The following ARL15 variants were observed in gnomAD, a reference collection of about 807,000 sequenced individuals.
ARL15 encodes the protein ARF like GTPase 15.
Under a neutral mutation model 25.2 loss-of-function variants are expected in ARL15, and 19 were observed. The ratio of observed to expected loss-of-function variants is 0.75; its 90% CI spans 0.53 to 1.10. The LOEUF (loss-of-function observed/expected upper bound fraction) is 1.10. Ranked by LOEUF, ARL15 falls within the 50% of genes least tolerant of loss-of-function variation. The pLI is 0.00. For missense variants in ARL15, 220 were observed against 246.0 expected (o/e 0.89, Z 0.71); for synonymous variants, 94 against 86.8 (o/e 1.08, Z -0.46).
chr5:53,955,049 T>C (rs1344037910), intron 4 of ARL15, among the ~76,000 whole-genome samples: 2 of 151,444 alleles, frequency 1.3e-5, no homozygotes. Flanking sequence ...ATGTCTTAGT[T>C]AACTTGAAGT....
At chr5:53,934,684 A>G (rs771513642) in intron 4 of ARL15, among the ~76,000 whole-genome samples, 3 of 152,196 alleles carry the variant, frequency 2.0e-5, no homozygotes, top group Non-Finnish European at 2.9e-5. Flanking sequence ...CATTCTCTCT[A>G]AAGTTTTTGG....
At chr5:54,063,155 T>C (rs1719873464) in intron 4 of ARL15, among the ~76,000 whole-genome samples, 1 of 152,162 alleles carries the variant, frequency 6.6e-6, no homozygotes, top group African/African-American at 2.4e-5. Flanking sequence ...TAACAGTTGA[T>C]AATAAATCCC....
intron 4 of ARL15, among the ~76,000 whole-genome samples, chr5:54,078,669 C>T (rs1199996684): frequency 6.6e-6 from 1 of 151,476 alleles, no homozygotes; most frequent in Non-Finnish European, 1.5e-5. Flanking sequence ...ACTATTCTCG[C>T]TAAAGTAACA....
At chr5:54,293,336 CTGAT>C (rs1447700640) in intron 1 of ARL15, among the ~76,000 whole-genome samples, 8 of 152,098 alleles carry the variant, frequency 5.3e-5, no homozygotes, top group Non-Finnish European at 1.2e-4. Context: ...ATTGTCCTCA[CTGAT>C]TAATATATAA....
intron 1 of ARL15, among the ~76,000 whole-genome samples, chr5:54,199,842 CACAT>C (rs1221911668): frequency 8.9e-5 from 4 of 44,780 alleles, no homozygotes; most frequent in South Asian, 4.4e-4. Flanking sequence ...GACACATGCA[CACAT>C]ATGTTTATGG....
chr5:53,921,194 T>G (rs1383981146), intron 4 of ARL15, among the ~76,000 whole-genome samples: 8 of 152,190 alleles, frequency 5.3e-5, no homozygotes, highest in Non-Finnish European at 8.8e-5. Flanking sequence ...TCACCTGCAT[T>G]TAACTCATAT....
chr5:54,159,365 G>A (rs995394358), intron 2 of ARL15, among the ~76,000 whole-genome samples: 2 of 152,024 alleles, frequency 1.3e-5, no homozygotes, highest in Non-Finnish European at 2.9e-5. Flanking sequence ...CCATCTTCAG[G>A]GTGTCAGTGT....
At chr5:53,961,068 T>C (rs1747347693) in intron 4 of ARL15, among the ~76,000 whole-genome samples, 1 of 152,168 alleles carries the variant, frequency 6.6e-6, no homozygotes, top group African/African-American at 2.4e-5. Context: ...GACTGGGGAA[T>C]ACCAAAGATA....
chr5:54,035,951 T>C (rs920092243), intron 4 of ARL15, among the ~76,000 whole-genome samples: 4 of 152,078 alleles, frequency 2.6e-5, no homozygotes, highest in African/African-American at 4.8e-5. Context: ...GGCTAGGACA[T>C]TGATATCAGC....
intron 4 of ARL15, among the ~76,000 whole-genome samples, chr5:53,955,548 A>G (rs926153689): frequency 6.6e-6 from 1 of 152,218 alleles, no homozygotes; most frequent in Non-Finnish European, 1.5e-5. Flanking sequence ...CAAGTGCCCC[A>G]TCTCCCAAGG....
At chr5:54,041,756 A>C (rs980489733) in intron 4 of ARL15, among the ~76,000 whole-genome samples, 1 of 152,198 alleles carries the variant, frequency 6.6e-6, no homozygotes, top group Non-Finnish European at 1.5e-5. Context: ...GCATCCATAG[A>C]GGGCAATGAG....
intron 1 of ARL15, among the ~76,000 whole-genome samples, chr5:54,242,113 C>T (rs1756973710): frequency 6.6e-6 from 1 of 152,060 alleles, no homozygotes; most frequent in African/African-American, 2.4e-5. Flanking sequence ...TCCTGAGGGA[C>T]CTATGTGCCC....
intron 1 of ARL15, among the ~76,000 whole-genome samples, chr5:54,183,932 G>A (rs1475919509): frequency 6.9e-6 from 1 of 144,368 alleles, no homozygotes; most frequent in Middle Eastern, 3.2e-3. Context: ...AAAAAATGAT[G>A]AGTTCATGTC....
At chr5:54,013,847 C>A (rs1749320431) in intron 4 of ARL15, among the ~76,000 whole-genome samples, 1 of 152,120 alleles carries the variant, frequency 6.6e-6, no homozygotes, top group South Asian at 2.1e-4. Context: ...CTTACCCCCC[C>A]ACCCAACAAA....
intron 4 of ARL15, among the ~76,000 whole-genome samples, chr5:53,888,149 C>A (rs1416410826): frequency 1.3e-5 from 2 of 151,990 alleles, no homozygotes; most frequent in African/African-American, 2.4e-5. Context: ...GTAATGAACA[C>A]CTCACTTGCA....
intron 4 of ARL15, among the ~76,000 whole-genome samples, chr5:54,108,910 A>T (rs1336594077): frequency 2.0e-5 from 3 of 151,904 alleles, no homozygotes; most frequent in African/African-American, 7.3e-5. Flanking sequence ...TAAACTCTTC[A>T]TGCACAGAGT....
In ARL15 at chr5:54,154,704, G is replaced by A; in HGVS notation, c.194-65C>T. 4 of 958,226 alleles carry A rather than the reference G, an allele frequency of 4.2e-6. No homozygotes were observed. In the South Asian group the frequency reaches 6.7e-5, roughly 16 times the overall value. 59.4% of individuals were successfully genotyped at this position (958,226 alleles called of 1,614,324 possible). A position where few individuals can be genotyped will look rare whatever the true frequency, so the allele number is the denominator to read the frequency against. On this transcript the variant is annotated intron_variant, in intron 2 of 4. Transcript: ENST00000504924. ...ACTTTTAAATTAAAACACTTAGGAT[G>A]CTCAAATTGTCTCTTTTTAGGCTGG...
At chr5:53,957,920 A>G (rs1747216406) in intron 4 of ARL15, among the ~76,000 whole-genome samples, 1 of 151,826 alleles carries the variant, frequency 6.6e-6, no homozygotes, top group Non-Finnish European at 1.5e-5. Flanking sequence ...GATTTAAAAG[A>G]CAAATGTGGC....
At chr5:54,004,494 C>CA (rs10587860) in intron 4 of ARL15, among the ~76,000 whole-genome samples, 2,909 of 126,180 alleles carry the variant, frequency 0.023, 62 homozygotes, top group African/African-American at 0.052. Flanking sequence ...GACTGTGTCT[C>CA]AAAAAAAAAA....
Sources: gnomAD v4.1 joint callset for allele counts (sites outside exome capture counted in the v4.1 genomes callset) on GRCh38, gnomAD v4.1.1 for gene constraint, MANE v1.5 for transcripts, NCBI Gene and HGNC (gene_info 2026-07-23, HGNC 2026-07-21) for gene names.